Variants in CNTNAP2 observed in about 807,000 individuals in gnomAD.
The protein encoded by CNTNAP2 is contactin-associated protein-like 2.
A neutral mutation model predicts 155.2 loss-of-function variants in CNTNAP2; 98 were observed. That is an observed-to-expected ratio of 0.63 (90% CI 0.54 to 0.75). The LOEUF (loss-of-function observed/expected upper bound fraction) is 0.75. CNTNAP2 is among the 30% of genes least tolerant of loss of function. The pLI is 0.00. For synonymous variants in CNTNAP2, 651 were observed against 631.2 expected (o/e 1.03, Z -0.47); for missense variants, 1,727 against 1,688.1 (o/e 1.02, Z -0.40).
intron 1 of CNTNAP2, among the ~76,000 whole-genome samples, chr7:146,231,001 C>T (rs1034718735): frequency 4.2e-5 from 4 of 94,806 alleles, no homozygotes; most frequent in East Asian, 2.9e-4. Flanking sequence ...GGCAACAGAG[C>T]GAGACTTTGT....
chr7:148,250,586 A>G (rs1342009672), intron 20 of CNTNAP2, among the ~76,000 whole-genome samples: 2 of 152,118 alleles, frequency 1.3e-5, no homozygotes, highest in Non-Finnish European at 2.9e-5. Context: ...CTGCAGCAAC[A>G]CTGCTCCATC....
At chr7:147,083,672 A>G (rs1259469390) in intron 4 of CNTNAP2, among the ~76,000 whole-genome samples, 4 of 143,902 alleles carry the variant, frequency 2.8e-5, no homozygotes, top group African/African-American at 1.0e-4. Context: ...CATATATAAT[A>G]CATATTATAT....
At chr7:146,706,902 C>T (rs1439137960) in intron 1 of CNTNAP2, among the ~76,000 whole-genome samples, 1 of 146,956 alleles carries the variant, frequency 6.8e-6, no homozygotes, top group Non-Finnish European at 1.5e-5. Flanking sequence ...CACATGTACC[C>T]CTGAACTTAA....
At chr7:146,429,245 A>T (rs200807335) in intron 1 of CNTNAP2, among the ~76,000 whole-genome samples, 5 of 126,472 alleles carry the variant, frequency 4.0e-5, no homozygotes, top group East Asian at 2.1e-4. Context: ...ATTTTAAAAT[A>T]TTTTTTTTTC....
At chr7:146,269,454 C>T (rs138726936) in intron 1 of CNTNAP2, among the ~76,000 whole-genome samples, 1 of 152,190 alleles carries the variant, frequency 6.6e-6, no homozygotes, top group African/African-American at 2.4e-5. Context: ...ATTGGTACCA[C>T]CTATTGATTA....
chr7:147,179,660 G>T (rs2069343395), intron 8 of CNTNAP2, among the ~76,000 whole-genome samples: 1 of 152,082 alleles, frequency 6.6e-6, no homozygotes, highest in African/African-American at 2.4e-5. Flanking sequence ...CAAATATGAA[G>T]GATGGAAGAG....
intron 20 of CNTNAP2, among the ~76,000 whole-genome samples, chr7:148,236,439 T>C (rs1459637427): frequency 6.6e-6 from 1 of 152,212 alleles, no homozygotes; most frequent in Non-Finnish European, 1.5e-5. Context: ...TTTTTTCTAT[T>C]CTTTTCATTG....
intron 10 of CNTNAP2, among the ~76,000 whole-genome samples, chr7:147,445,786 T>C (rs556611756): frequency 1.8e-4 from 27 of 152,248 alleles, no homozygotes; most frequent in African/African-American, 6.3e-4. Flanking sequence ...CTTTTTCTTC[T>C]TTCTTTCTCT....
intron 3 of CNTNAP2, among the ~76,000 whole-genome samples, chr7:146,866,909 T>C (rs1322158898): frequency 6.6e-6 from 1 of 152,158 alleles, no homozygotes. Flanking sequence ...AGGGTCTTTC[T>C]TCTAAAACAT....
intron 9 of CNTNAP2, among the ~76,000 whole-genome samples, chr7:147,304,603 C>T (rs1444438642): frequency 2.0e-5 from 3 of 152,032 alleles, no homozygotes; most frequent in Non-Finnish European, 4.4e-5. Flanking sequence ...TTCTAAAGAA[C>T]TCAATGGGGA....
intron 21 of CNTNAP2, among the ~76,000 whole-genome samples, chr7:148,317,627 G>C (rs554147323): frequency 1.3e-5 from 2 of 152,154 alleles, no homozygotes; most frequent in Non-Finnish European, 2.9e-5. Flanking sequence ...TAGAGCCCAC[G>C]TGGGATTCAC....
intron 1 of CNTNAP2, among the ~76,000 whole-genome samples, chr7:146,174,220 A>G (rs1290107553): frequency 6.6e-6 from 1 of 151,892 alleles, no homozygotes; most frequent in Non-Finnish European, 1.5e-5. Context: ...AAAGGAAAGA[A>G]AAAAAAGAAA....
chr7:148,314,784 C>G (rs952042412), intron 21 of CNTNAP2, among the ~76,000 whole-genome samples: 1 of 152,148 alleles, frequency 6.6e-6, no homozygotes, highest in African/African-American at 2.4e-5. Context: ...CAGGCGTCCC[C>G]GTGTGGTCAG....
At chr7:146,649,097 C>T (rs1167731228) in intron 1 of CNTNAP2, among the ~76,000 whole-genome samples, 1 of 152,072 alleles carries the variant, frequency 6.6e-6, no homozygotes. Context: ...TGCCTCTTTA[C>T]ATTGCCAAAT....
intron 3 of CNTNAP2, among the ~76,000 whole-genome samples, chr7:146,958,018 A>G (rs1167800771): frequency 6.6e-6 from 1 of 152,186 alleles, no homozygotes; most frequent in Non-Finnish European, 1.5e-5. Context: ...GCCAGAATAT[A>G]GCGTACAATT....
intron 3 of CNTNAP2, among the ~76,000 whole-genome samples, chr7:147,038,947 T>C (rs1378404178): frequency 6.6e-6 from 1 of 152,172 alleles, no homozygotes; most frequent in Non-Finnish European, 1.5e-5. Flanking sequence ...CTCCTCATTC[T>C]GTCCTTGACC....
intron 13 of CNTNAP2, among the ~76,000 whole-genome samples, chr7:147,743,729 C>T (rs1796994025): frequency 1.3e-5 from 2 of 151,916 alleles, no homozygotes; most frequent in Admixed American, 6.6e-5. Flanking sequence ...CTAGACTGAC[C>T]TCTCGTGTGT....
At chr7:147,285,936 A>T (rs1805165070) in intron 8 of CNTNAP2, among the ~76,000 whole-genome samples, 1 of 152,036 alleles carries the variant, frequency 6.6e-6, no homozygotes, top group Non-Finnish European at 1.5e-5. Context: ...ATTTATTTTT[A>T]TTTATTCTTC....
At chr7:147,915,883 C>T (rs1323994953) in intron 14 of CNTNAP2, among the ~76,000 whole-genome samples, 2 of 152,154 alleles carry the variant, frequency 1.3e-5, no homozygotes, top group East Asian at 1.9e-4. Flanking sequence ...GTGTACGTTA[C>T]TCCTTATACT....
Sources: gnomAD v4.1 joint callset for allele counts (sites outside exome capture counted in the v4.1 genomes callset) on GRCh38, gnomAD v4.1.1 for gene constraint, MANE v1.5 for transcripts, NCBI Gene and HGNC (gene_info 2026-07-23, HGNC 2026-07-21) for gene names.